The following ARIH2 variants were observed in gnomAD, a reference collection of about 807,000 sequenced individuals.
ARIH2 encodes the protein ariadne RBR E3 ubiquitin protein ligase 2, also known as E3 ubiquitin-protein ligase ARIH2.
Under a neutral mutation model 79.8 loss-of-function variants are expected in ARIH2, and 12 were observed. The ratio of observed to expected loss-of-function variants is 0.15; its 90% CI spans 0.10 to 0.24. The LOEUF is 0.24. Ranked by LOEUF, ARIH2 falls within the 10% of genes least tolerant of loss-of-function variation. The pLI is 1.00. For missense variants in ARIH2, 301 were observed against 618.3 expected, an observed-to-expected ratio of 0.49 and a Z score of 5.44; for synonymous variants, 224 against 213.9, an observed-to-expected ratio of 1.05 and a Z score of -0.41.
At chr3:48,963,316 A>G (rs953747114) in intron 4 of ARIH2, among the ~76,000 whole-genome samples, 1 of 152,148 alleles carries the variant, frequency 6.6e-6, no homozygotes. Flanking sequence ...CACTGCCCAC[A>G]CTCTTTCAGC....
chr3:48,930,619 G>C (rs1157188795), intron 3 of ARIH2, among the ~76,000 whole-genome samples: 1 of 152,088 alleles, frequency 6.6e-6, no homozygotes. Flanking sequence ...CTCCTGGCCT[G>C]TTTTTATTTT....
At chr3:48,932,068 C>G (rs893736831) in intron 3 of ARIH2, among the ~76,000 whole-genome samples, 3 of 152,012 alleles carry the variant, frequency 2.0e-5, no homozygotes, top group African/African-American at 7.2e-5. Flanking sequence ...TAATGAGGGC[C>G]CTGATGTCAG....
chr3:48,958,867 T>C (rs1479719790), intron 3 of ARIH2, among the ~76,000 whole-genome samples: 1 of 151,938 alleles, frequency 6.6e-6, no homozygotes, highest in African/African-American at 2.4e-5. Flanking sequence ...ATAAAAAAAT[T>C]AGCTGGACAT....
intron 1 of ARIH2, 185 bp downstream of exon 1, chr3:48,919,183 G>A: frequency 3.9e-6 from 5 of 1,298,372 alleles, no homozygotes; most frequent in East Asian, 2.9e-5. Context: ...CCCAGCGTGT[G>A]TCTGCCTTTT....
chr3:48,946,579 C>A (rs1221234084), intron 3 of ARIH2, among the ~76,000 whole-genome samples: 1 of 152,016 alleles, frequency 6.6e-6, no homozygotes, highest in African/African-American at 2.4e-5. Context: ...AAATAAAGAT[C>A]TGGAAACCAT....
chr3:48,973,732 A>T lies in ARIH2; in HGVS notation c.804A>T (p.Thr268=). ...GTCGTCAGATGTATCACGCACCCAC[A>T]GACTGTGCCACAATCCGGAAATGGC... is the stretch of plus-strand genomic sequence containing the variant. ...FKCRQMYHAP[T]DCATIRKWLT... The change falls in exon 9 of 16, where the codon ACA becomes ACT. Residue 268 remains threonine, a synonymous_variant. Transcript: ENST00000356401. The T allele has an allele frequency of 6.2e-7, 1 of 1,614,206 alleles. No individual in the cohort carries two copies. Among genetic ancestry groups the T allele is most frequent in the South Asian group, 1.1e-5 (1 of 91,088 alleles).
intron 11 of ARIH2, among the ~76,000 whole-genome samples, chr3:48,978,881 A>ACAAG (rs980092657): frequency 8.6e-5 from 13 of 151,902 alleles, no homozygotes; most frequent in African/African-American, 2.7e-4. Flanking sequence ...GAATCGCTTG[A>ACAAG]ACCTGGGATG....
intron 3 of ARIH2, among the ~76,000 whole-genome samples, chr3:48,947,899 A>G (rs1422198961): frequency 6.6e-6 from 1 of 152,198 alleles, no homozygotes; most frequent in Non-Finnish European, 1.5e-5. Flanking sequence ...AAGCAGCTCT[A>G]TTAAAGTTTT....
intron 3 of ARIH2, among the ~76,000 whole-genome samples, chr3:48,941,216 C>T (rs926052242): frequency 6.6e-6 from 1 of 151,786 alleles, no homozygotes; most frequent in African/African-American, 2.4e-5. Flanking sequence ...GAACATTCTC[C>T]TTTGAATGGC....
chr3:48,949,790 A>G (rs1219634755), intron 3 of ARIH2, among the ~76,000 whole-genome samples: 1 of 151,602 alleles, frequency 6.6e-6, no homozygotes, highest in Non-Finnish European at 1.5e-5. Context: ...TGATTTGCAG[A>G]TATTTTCTCC....
intron 3 of ARIH2, chr3:48,943,250 C>G (rs1199256657): frequency 6.6e-6 from 1 of 151,998 alleles, no homozygotes; most frequent in Non-Finnish European, 1.5e-5. Context: ...CCTTATTGTT[C>G]CTCTCCCTAA....
At chr3:48,978,178 A>C (rs1398793743) in intron 11 of ARIH2, among the ~76,000 whole-genome samples, 1 of 152,118 alleles carries the variant, frequency 6.6e-6, no homozygotes, top group African/African-American at 2.4e-5. Context: ...TCATCCAACA[A>C]AACTGTGGTT....
chr3:48,926,655 A>AT (rs769270569), intron 2 of ARIH2: 10 of 149,826 alleles, frequency 6.7e-5, no homozygotes, highest in Non-Finnish European at 1.5e-4. Context: ...GGTTAAAGTG[A>AT]TTCTCCTGCC....
intron 3 of ARIH2, among the ~76,000 whole-genome samples, chr3:48,940,808 A>AAAAAAAT (rs759369585): frequency 6.7e-4 from 66 of 98,062 alleles, no homozygotes; most frequent in East Asian, 1.5e-3. Flanking sequence ...AAAAAAAAAA[A>AAAAAAAT]ATATATATAT....
chr3:48,957,916 A>G (rs2090789397), intron 3 of ARIH2, among the ~76,000 whole-genome samples: 1 of 152,118 alleles, frequency 6.6e-6, no homozygotes. Flanking sequence ...GGATGTCACC[A>G]TATTAGCCAA....
intron 3 of ARIH2, among the ~76,000 whole-genome samples, chr3:48,944,120 G>A (rs2088768006): frequency 6.6e-6 from 1 of 152,072 alleles, no homozygotes; most frequent in African/African-American, 2.4e-5. Flanking sequence ...TTCTCAAAAA[G>A]TTTCCATTAA....
intron 5 of ARIH2, 71 bp from the exon 6 acceptor site, chr3:48,967,044 ATGCACCCGGC>A: frequency 1.4e-6 from 2 of 1,459,378 alleles, no homozygotes; most frequent in Non-Finnish European, 1.9e-6. Flanking sequence ...ATCACTTTCC[ATGCACCCGGC>A]TGCATGAGGT....
intron 8 of ARIH2, among the ~76,000 whole-genome samples, chr3:48,971,536 G>A (rs1559841229): frequency 6.6e-6 from 1 of 152,096 alleles, no homozygotes; most frequent in East Asian, 1.9e-4. Context: ...AGCCAACCGC[G>A]CCTAGCCATG....
intron 3 of ARIH2, among the ~76,000 whole-genome samples, chr3:48,958,977 G>T (rs941456462): frequency 6.6e-6 from 1 of 152,026 alleles, no homozygotes; most frequent in Non-Finnish European, 1.5e-5. Flanking sequence ...TCATGCCACT[G>T]CACTCCAGCC....
Sources: allele counts gnomAD v4.1 joint callset (sites outside exome capture counted in the v4.1 genomes callset), GRCh38; gene constraint gnomAD v4.1.1; transcripts MANE v1.5; gene names NCBI Gene and HGNC (gene_info 2026-07-23, HGNC 2026-07-21).